Variants in FBXO31 observed in about 807,000 individuals in gnomAD.
FBXO31 encodes the protein F-box only protein 31.
FBXO31 carries 24 observed loss-of-function variants against 54.4 expected under a neutral mutation model. The observed-to-expected ratio is 0.44, with a 90% CI of 0.32 to 0.62. The LOEUF is 0.62. Ranked by LOEUF, FBXO31 falls within the 20% of genes least tolerant of loss-of-function variation. FBXO31 has a pLI of 0.05. For missense variants in FBXO31, 665 were observed against 787.1 expected (o/e 0.84, Z 1.86); for synonymous variants, 388 against 335.6 (o/e 1.16, Z -1.71).
At chr16:87,364,385 C>T (rs1263919507) in intron 1 of FBXO31, among the ~76,000 whole-genome samples, 1 of 152,224 alleles carries the variant, frequency 6.6e-6, no homozygotes, top group African/African-American at 2.4e-5. Flanking sequence ...AGCCAGCAGG[C>T]CCTGGATGGC....
intron 1 of FBXO31, among the ~76,000 whole-genome samples, chr16:87,380,172 C>CAT (rs1907012854): frequency 6.6e-6 from 1 of 150,786 alleles, no homozygotes; most frequent in East Asian, 2.0e-4. Context: ...GTGGCGGGCG[C>CAT]CTGTAGTCCC....
At chr16:87,357,572 C>G (rs1377820993) in intron 2 of FBXO31, among the ~76,000 whole-genome samples, 1 of 152,082 alleles carries the variant, frequency 6.6e-6, no homozygotes, top group Non-Finnish European at 1.5e-5. Flanking sequence ...AGATGATCCA[C>G]CTGCCTCGGC....
rs1401683148 is a variant in FBXO31, at chr16:87,345,218, C to A, written c.490-1453G>T. ...CACCGGATTTTCAACACAGCAAGAACGATGGCAACAGTGACACCTCAGGGG... is the reference window on the plus strand; with the variant it reads ...CACCGGATTTTCAACACAGCAAGAAAGATGGCAACAGTGACACCTCAGGGG... On this transcript the variant is annotated intron_variant, in intron 3 of 8. Transcript: ENST00000311635. The surrounding 1 kb of genome is among the most constrained non-coding windows in gnomAD (Gnocchi z 4.9). 1.3e-5 allele frequency among the ~76,000 whole-genome samples: 2 copies of A among 152,270 alleles called. No homozygotes were observed. The highest frequency in any genetic ancestry group is 4.1e-4 in the South Asian group (2 of 4,826).
rs922925585 is a variant in FBXO31, at chr16:87,358,980, C to A, written c.412+1315G>T. Among the ~76,000 whole-genome samples the A allele has an allele frequency of 3.9e-5, 6 of 152,318 alleles. No individual in the cohort carries two copies. The highest frequency in any genetic ancestry group is 3.9e-4 in the Admixed American group (6 of 15,300). The stretch of plus-strand genomic sequence containing the variant: ...CAGGTCATCCAAGGTTGCCCAACTA[C>A]ACCACCCGTTTCTGGAGCTAAGGCT... On this transcript the variant is annotated intron_variant, in intron 2 of 8. Transcript: ENST00000311635. The surrounding 1 kb of genome is among the most constrained non-coding windows in gnomAD (Gnocchi z 4.0).
chr16:87,349,494 A>T, intron 2 of FBXO31, among the ~76,000 whole-genome samples: 1 of 152,198 alleles, frequency 6.6e-6, no homozygotes, highest in South Asian at 2.1e-4. Flanking sequence ...AGGCAGATGG[A>T]TCACGAGGAG....
chr16:87,346,954 G>C lies in FBXO31; in HGVS notation c.489+220C>G, dbSNP rs1257985129. ...CACCCCCTCAGACCAGAGAGTCCAAGGACGGGCCACAAGGCCGAAGTGTTG... is the reference window on the plus strand; with the variant it reads ...CACCCCCTCAGACCAGAGAGTCCAACGACGGGCCACAAGGCCGAAGTGTTG... On this transcript the variant is annotated intron_variant, in intron 3 of 8. Coordinates refer to ENST00000311635, the MANE Select transcript of FBXO31 (RefSeq NM_024735.5). The surrounding 1 kb of genome is among the most constrained non-coding windows in gnomAD (Gnocchi z 4.2). Among the ~76,000 whole-genome samples, 1 of 152,250 alleles carries C rather than the reference G, an allele frequency of 6.6e-6. No homozygotes were observed. Among genetic ancestry groups the C allele is most frequent in the Non-Finnish European group, 1.5e-5 (1 of 68,046 alleles).
At chr16:87,367,160 A>T (rs1555513086) in intron 1 of FBXO31, 2 of 152,192 alleles carry the variant, frequency 1.3e-5, no homozygotes, top group Non-Finnish European at 2.9e-5. Flanking sequence ...ACACAGTGAG[A>T]CCCTGTCTCA....
Position 87,335,472 on chromosome 16 carries a change from C to T in FBXO31, c.843-15G>A, listed in dbSNP as rs12928999. The T allele has an allele frequency of 0.041, 59,388 of 1,441,672 alleles. 1,380 individuals carry two copies. The highest frequency in any genetic ancestry group is 0.1 in the African/African-American group (7,135 of 70,304). The allele number at this position is 1,441,672 out of a possible 1,614,324, so 89.3% of individuals were successfully genotyped here. The stretch of plus-strand genomic sequence containing the variant: ...TCAGGCAGTTGCTGTGGGGAGCGGA[C>T]GGGTCAGTACAGGAGACCTCGTGGG... On this transcript the variant is annotated splice_polypyrimidine_tract_variant and intron_variant, in intron 6 of 8. Transcript: ENST00000311635. This position sits in a 1 kb window ranked among gnomAD's most constrained non-coding sequence, Gnocchi z 5.7.
At chr16:87,388,410 C>G (rs1290815327), upstream of FBXO31, among the ~76,000 whole-genome samples, 1 of 152,230 alleles carries the variant, frequency 6.6e-6, no homozygotes, top group Non-Finnish European at 1.5e-5. Flanking sequence ...TGTTTACTTG[C>G]TCTCAAGAGC....
In FBXO31 at chr16:87,383,444, G is replaced by C; in HGVS notation, c.301C>G (p.Leu101Val). 6.3e-7 allele frequency: 1 copy of C among 1,587,338 alleles called. No homozygotes were observed. Among genetic ancestry groups the C allele is most frequent in the Non-Finnish European group, 8.5e-7 (1 of 1,170,732 alleles). Residue 101 changes from leucine (L) to valine (V), a missense_variant, in exon 1 of 9, where the codon CTC (leucine) becomes GTC (valine). Physicochemically the swap from Leu to Val is conservative, Grantham distance 32. Around this residue, in one of 4 missense-constraint regions of FBXO31, gnomAD observed 195 missense variants for 174.8 expected, o/e 1.12. Coordinates refer to ENST00000311635, the MANE Select transcript of FBXO31 (RefSeq NM_024735.5). This position sits in a 1 kb window ranked among gnomAD's most constrained non-coding sequence, Gnocchi z 4.9. ...CTCCTCCAGATGGTGTCGGTGTGGA[G>C]GATGCGCCGGAACTTCGTGCAGACC... ...AQVCTKFRRI[L>V]HTDTIWRRRC...
intron 5 of FBXO31, among the ~76,000 whole-genome samples, chr16:87,342,247 G>A (rs1905217494): frequency 6.6e-6 from 1 of 151,996 alleles, no homozygotes; most frequent in African/African-American, 2.4e-5. Context: ...TAGAGACAGG[G>A]TCTCACTATG....
chr16:87,331,284 C>A lies in FBXO31; in HGVS notation c.*4G>T. The stretch of plus-strand genomic sequence containing the variant: ...CCGGGATGTGGCGGCAAGGATGTGG[C>A]CGGTCAGGAGGTGAGGGACTGAATG... On this transcript the variant is annotated 3_prime_UTR_variant, in exon 9 of 9. Transcript: ENST00000311635. 6.2e-7 allele frequency: 1 copy of A among 1,612,060 alleles called. No homozygotes were observed. The highest frequency in any genetic ancestry group is 8.5e-7 in the Non-Finnish European group (1 of 1,178,496).
At chr16:87,352,313 A>G (rs979678638) in intron 2 of FBXO31, among the ~76,000 whole-genome samples, 1 of 152,338 alleles carries the variant, frequency 6.6e-6, no homozygotes, top group Admixed American at 6.5e-5. Context: ...ACCAAAAATT[A>G]AATAGATGAT....
intron 1 of FBXO31, among the ~76,000 whole-genome samples, chr16:87,369,504 A>C (rs868460529): frequency 4.6e-5 from 7 of 152,116 alleles, no homozygotes; most frequent in South Asian, 2.1e-4. Context: ...CATCATCAGG[A>C]TTTCCTTCCT....
At chr16:87,355,678 C>T (rs1290999224) in intron 2 of FBXO31, among the ~76,000 whole-genome samples, 2 of 152,172 alleles carry the variant, frequency 1.3e-5, no homozygotes, top group East Asian at 1.9e-4. Context: ...ATGATAAAGC[C>T]GCCAGCTCGA....
chr16:87,358,884 G>T lies in FBXO31; in HGVS notation c.412+1411C>A, dbSNP rs575600907. 6.6e-6 allele frequency among the ~76,000 whole-genome samples: 1 copy of T among 152,094 alleles called. No individual in the cohort carries two copies. On this transcript the variant is annotated intron_variant, in intron 2 of 8. Coordinates refer to ENST00000311635, the MANE Select transcript of FBXO31 (RefSeq NM_024735.5). This position sits in a 1 kb window ranked among gnomAD's most constrained non-coding sequence, Gnocchi z 4.0. The stretch of plus-strand genomic sequence containing the variant: ...TGACCGTCTAGAGAACACTTACCCC[G>T]GCTAACATACTCACTTTGCCCAGCA...
In FBXO31 at chr16:87,383,295, C is replaced by T; in HGVS notation, c.340+110G>A. The T allele has an allele frequency of 1.9e-6, 2 of 1,044,456 alleles. No individual in the cohort carries two copies. The highest frequency in any genetic ancestry group is 3.1e-5 in the East Asian group (1 of 32,706). The allele number at this position is 1,044,456 out of a possible 1,614,324, so 64.7% of individuals were successfully genotyped here. ...ACACCACATCGCCGGGCCCCGCGCC[C>T]AACTGGTGGCCCCCGGCCGGGGCCA... On this transcript the variant is annotated intron_variant, in intron 1 of 8. Coordinates refer to ENST00000311635, the MANE Select transcript of FBXO31 (RefSeq NM_024735.5). The surrounding 1 kb of genome is among the most constrained non-coding windows in gnomAD (Gnocchi z 4.9).
rs1229845441 is a variant in FBXO31 at position 87,345,802 on chromosome 16, C to T, written c.489+1372G>A. On this transcript the variant is annotated intron_variant, in intron 3 of 8. Transcript: ENST00000311635. This position sits in a 1 kb window ranked among gnomAD's most constrained non-coding sequence, Gnocchi z 4.9. ...AGGGCCTTCTCCCCCCTTCCTGAGGCCACTGACCACTGGCTGGGGAGGAAG... is the reference window on the plus strand; with the variant it reads ...AGGGCCTTCTCCCCCCTTCCTGAGGTCACTGACCACTGGCTGGGGAGGAAG... 6.6e-6 allele frequency among the ~76,000 whole-genome samples: 1 copy of T among 152,230 alleles called. No homozygotes were observed. Among genetic ancestry groups the T allele is most frequent in the South Asian group, 2.1e-4 (1 of 4,834 alleles).
At chr16:87,355,750 G>A (rs946779151) in intron 2 of FBXO31, among the ~76,000 whole-genome samples, 2 of 152,122 alleles carry the variant, frequency 1.3e-5, no homozygotes, top group Non-Finnish European at 2.9e-5. Flanking sequence ...AGGCCAGCCC[G>A]GCAGCGTGGG....
Sources: gnomAD v4.1 joint callset for allele counts (sites outside exome capture counted in the v4.1 genomes callset) on GRCh38, gnomAD v4.1.1 for gene constraint, gnomAD v4.1.1 regional missense constraint, Gnocchi (gnomAD v3.1) non-coding constraint, MANE v1.5 for transcripts, NCBI Gene and HGNC (gene_info 2026-07-23, HGNC 2026-07-21) for gene names.